The following GLT8D2 variants were observed in gnomAD, a reference collection of about 807,000 sequenced individuals.
The protein encoded by GLT8D2 is glycosyltransferase 8 domain containing 2.
Under a neutral mutation model 44.5 loss-of-function variants are expected in GLT8D2, and 45 were observed. That is an observed-to-expected ratio of 1.01 (90% confidence interval 0.80 to 1.30). The LOEUF is 1.30. Among genes scored for constraint, GLT8D2 ranks in the 50% most tolerant of loss-of-function variants. The probability of loss-of-function intolerance (pLI) is 0.00; values close to 1 mark genes in which losing one functional copy is unlikely to be tolerated. For synonymous variants in GLT8D2, 156 were observed against 157.2 expected (o/e 0.99, Z 0.06); for missense variants, 400 against 430.4 (o/e 0.93, Z 0.62).
chr12:104,059,964 C>T (rs1422072704), intron 1 of GLT8D2, among the ~76,000 whole-genome samples: 4 of 152,180 alleles, frequency 2.6e-5, no homozygotes, highest in Non-Finnish European at 2.9e-5. Flanking sequence ...ACATGTTATC[C>T]GCATTTTCTA....
At chr12:103,998,228 ACT>A in intron 6 of GLT8D2, among the ~76,000 whole-genome samples, 1 of 137,938 alleles carries the variant, frequency 7.2e-6, no homozygotes, top group Non-Finnish European at 1.6e-5. Context: ...CAAAAACACC[ACT>A]CTTTTTTTTT....
chr12:104,045,946 AAAGAAAGAAAAT>A (rs1566213357), intron 1 of GLT8D2, among the ~76,000 whole-genome samples: 3 of 146,326 alleles, frequency 2.1e-5, no homozygotes, highest in Admixed American at 6.9e-5. Flanking sequence ...AAAAAGAAAG[AAAGAAAGAAAAT>A]AAGAAAGAAA....
upstream of GLT8D2, among the ~76,000 whole-genome samples, chr12:104,051,233 G>A (rs1199865649): frequency 2.0e-5 from 3 of 151,806 alleles, no homozygotes; most frequent in Admixed American, 1.3e-4. Flanking sequence ...CGATCCTCCC[G>A]TCTCAGCCTC....
intron 6 of GLT8D2, among the ~76,000 whole-genome samples, chr12:103,999,114 CT>C (rs1873871979): frequency 6.6e-6 from 1 of 152,216 alleles, no homozygotes; most frequent in East Asian, 1.9e-4. Context: ...CCTGGCCCTC[CT>C]CCAGCTCCCA....
In GLT8D2 at chr12:103,989,519, G is replaced by A; in HGVS notation, c.939C>T (p.His313=). 6.2e-7 allele frequency: 1 copy of A among 1,613,594 alleles called. No individual in the cohort carries two copies. The highest frequency in any genetic ancestry group is 8.5e-7 in the Non-Finnish European group (1 of 1,179,694). The change falls in exon 11 of 11, where the codon CAC becomes CAT. Residue 313 remains histidine, a synonymous_variant. Transcript: ENST00000360814. ...CCCAAGGTTTATGTCTTCCATTCCA[G>A]TGGAGTAATTTAGCTTCCTGCAGAA... ...EHFLQEAKLL[H]WNGRHKPWDF...
intron 1 of GLT8D2, among the ~76,000 whole-genome samples, chr12:104,045,892 TAA>T (rs1470152859): frequency 1.8e-5 from 2 of 112,028 alleles, no homozygotes; most frequent in African/African-American, 6.9e-5. Flanking sequence ...AAAAGAAAGA[TAA>T]GAAAGAAAGA....
chr12:103,997,579 G>T, intron 6 of GLT8D2, 44 bp from the exon 7 acceptor site: 1 of 1,367,708 alleles, frequency 7.3e-7, no homozygotes, highest in Non-Finnish European at 1.0e-6. Flanking sequence ...AGAGGCATAT[G>T]GCTTAGTGTC....
At chr12:104,004,145 T>C (rs1874635411) in intron 4 of GLT8D2, among the ~76,000 whole-genome samples, 1 of 152,182 alleles carries the variant, frequency 6.6e-6, no homozygotes, top group Non-Finnish European at 1.5e-5. Flanking sequence ...ATTATATCAA[T>C]AGAAGCAGAA....
chr12:104,056,930 C>T (rs576976359), intron 1 of GLT8D2, among the ~76,000 whole-genome samples: 4 of 152,046 alleles, frequency 2.6e-5, no homozygotes, highest in East Asian at 3.9e-4. Context: ...AAAAAATGGA[C>T]GATAGAATTT....
intron 1 of GLT8D2, among the ~76,000 whole-genome samples, chr12:104,024,769 G>T (rs73177962): frequency 1.3e-5 from 2 of 151,748 alleles, no homozygotes; most frequent in Admixed American, 6.6e-5. Context: ...TATATATTCC[G>T]CATACAAGTC....
At chr12:104,021,950 AGAAGAGGAAGAAGAGGAAGAG>A (rs1877837638) in intron 1 of GLT8D2, among the ~76,000 whole-genome samples, 1 of 25,580 alleles carries the variant, frequency 3.9e-5, no homozygotes, top group Non-Finnish European at 7.3e-5. Flanking sequence ...AAGAAGAAGA[AGAAGAGGAAGAAGAGGAAGAG>A]GAAGAGGAAG....
At chr12:103,991,885 T>C (rs1314291505) in intron 10 of GLT8D2, among the ~76,000 whole-genome samples, 1 of 150,638 alleles carries the variant, frequency 6.6e-6, no homozygotes, top group African/African-American at 2.4e-5. Flanking sequence ...GTTGTGAGAA[T>C]TAGAAATAAT....
intron 9 of GLT8D2, chr12:103,993,764 A>G (rs1274092326): frequency 5.8e-6 from 2 of 345,274 alleles, no homozygotes; most frequent in African/African-American, 4.3e-5. Context: ...TTTAAATAGT[A>G]GACACAGGAG....
intron 6 of GLT8D2, among the ~76,000 whole-genome samples, chr12:103,998,501 C>T (rs1266699933): frequency 6.6e-6 from 1 of 152,142 alleles, no homozygotes; most frequent in Non-Finnish European, 1.5e-5. Flanking sequence ...CCTCCACCTC[C>T]CGGGTTCAAG....
chr12:103,992,914 C>T (rs1421572454), intron 10 of GLT8D2, among the ~76,000 whole-genome samples: 1 of 152,206 alleles, frequency 6.6e-6, no homozygotes, highest in Non-Finnish European at 1.5e-5. Context: ...ATCAGCTGCA[C>T]TTGCTGAATC....
intron 3 of GLT8D2, among the ~76,000 whole-genome samples, chr12:104,016,866 G>GA (rs1316467455): frequency 6.7e-6 from 1 of 149,778 alleles, no homozygotes; most frequent in African/African-American, 2.5e-5. Context: ...AAGAAAGAAA[G>GA]AAAGAAAGAA....
intron 4 of GLT8D2, among the ~76,000 whole-genome samples, chr12:104,003,950 C>G (rs542154043): frequency 2.3e-4 from 35 of 152,170 alleles, no homozygotes; most frequent in African/African-American, 8.2e-4. Flanking sequence ...GAGATTATAT[C>G]CCTGATGAAC....
At chr12:104,039,847 G>A (rs1012267991) in intron 1 of GLT8D2, among the ~76,000 whole-genome samples, 17 of 152,152 alleles carry the variant, frequency 1.1e-4, no homozygotes, top group African/African-American at 2.7e-4. Flanking sequence ...ACATGCACAC[G>A]TATGTTTATT....
chr12:104,026,847 T>A (rs943291135), intron 1 of GLT8D2, among the ~76,000 whole-genome samples: 2 of 152,232 alleles, frequency 1.3e-5, no homozygotes, highest in Non-Finnish European at 2.9e-5. Flanking sequence ...ATTAAGTTGA[T>A]CCTTCTTAAC....
Sources: gnomAD v4.1 joint callset for allele counts (sites outside exome capture counted in the v4.1 genomes callset) on GRCh38, gnomAD v4.1.1 for gene constraint, MANE v1.5 for transcripts, NCBI Gene and HGNC (gene_info 2026-07-23, HGNC 2026-07-21) for gene names.